The following ARHGAP39 variants were observed in gnomAD, a reference collection of about 807,000 sequenced individuals.
ARHGAP39 encodes the protein Rho GTPase activating protein 39, also known as rho GTPase-activating protein 39.
Under a neutral mutation model 106.9 loss-of-function variants are expected in ARHGAP39, and 44 were observed. That is an observed-to-expected ratio of 0.41 (90% CI 0.32 to 0.53). The LOEUF (loss-of-function observed/expected upper bound fraction) is 0.53. Ranked by LOEUF, ARHGAP39 falls within the 20% of genes least tolerant of loss-of-function variation. The pLI is 0.21. For missense variants in ARHGAP39, 1,496 were observed against 1,577.3 expected (o/e 0.95, Z 0.87); for synonymous variants, 768 against 693.2 (o/e 1.11, Z -1.69).
intron 2 of ARHGAP39, among the ~76,000 whole-genome samples, chr8:144,601,319 TGTG>T (rs1819922023): frequency 7.1e-6 from 1 of 140,340 alleles, no homozygotes; most frequent in African/African-American, 2.7e-5. Flanking sequence ...TGTGTGTGTG[TGTG>T]GAGGCGTGTG....
chr8:144,542,836 G>A (rs1447079940), intron 6 of ARHGAP39, among the ~76,000 whole-genome samples: 2 of 151,980 alleles, frequency 1.3e-5, no homozygotes, highest in Non-Finnish European at 2.9e-5. Context: ...CTACACGGGA[G>A]GCTGAGGCAG....
At chr8:144,588,384 A>G (rs111807715) in intron 2 of ARHGAP39, among the ~76,000 whole-genome samples, 16,585 of 152,220 alleles carry the variant, frequency 0.11, 2,238 homozygotes, top group African/African-American at 0.31. Flanking sequence ...ATGAGCCTGC[A>G]CCTCCTCGAA....
At chr8:144,598,862 G>T (rs1026601832) in intron 2 of ARHGAP39, among the ~76,000 whole-genome samples, 13 of 152,150 alleles carry the variant, frequency 8.5e-5, no homozygotes, top group African/African-American at 3.1e-4. Context: ...CACATTTAGT[G>T]GAACATTTAC....
At position 144,545,235 on chromosome 8, in the gene ARHGAP39, G is replaced by A. The variant is rs144833316; in HGVS notation, c.2521+14C>T. ...CTTACCTGAGCTGGTGGCAAAGCCC[G>A]TGCATGGCCTTACCTTTAGTGTCAT... On this transcript the variant is annotated intron_variant, in intron 6 of 11. Coordinates refer to ENST00000377307, the MANE Select transcript of ARHGAP39 (RefSeq NM_025251.3). The A allele has an allele frequency of 2.5e-5, 38 of 1,505,394 alleles. No homozygotes were observed. In the African/African-American group the frequency reaches 2.6e-4, roughly 10 times the overall value. 93.3% of individuals were successfully genotyped at this position (1,505,394 alleles called of 1,614,324 possible). A position where few individuals can be genotyped will look rare whatever the true frequency, so the allele number is the denominator to read the frequency against.
intron 1 of ARHGAP39, among the ~76,000 whole-genome samples, chr8:144,676,347 C>T (rs1399907270): frequency 1.3e-5 from 2 of 152,154 alleles, no homozygotes; most frequent in Non-Finnish European, 2.9e-5. Flanking sequence ...CAAAAGTTCT[C>T]CAAGTCCCCA....
At chr8:144,615,136 A>G (rs1488873148) in intron 1 of ARHGAP39, among the ~76,000 whole-genome samples, 1 of 152,200 alleles carries the variant, frequency 6.6e-6, no homozygotes, top group Non-Finnish European at 1.5e-5. Context: ...GCTGGGCAAG[A>G]TGGCAAAACC....
intron 1 of ARHGAP39, among the ~76,000 whole-genome samples, chr8:144,643,946 C>T (rs572288524): frequency 2.0e-5 from 3 of 152,136 alleles, no homozygotes; most frequent in Non-Finnish European, 4.4e-5. Flanking sequence ...ATAAGTCACA[C>T]AAAAGTGTTG....
Position 144,530,600 on chromosome 8 carries a change from G to T in ARHGAP39, c.3167C>A (p.Ala1056Asp). 4.4e-6 allele frequency: 7 copies of T among 1,608,600 alleles called. No individual in the cohort carries two copies. Among genetic ancestry groups the T allele is most frequent in the Non-Finnish European group, 5.9e-6 (7 of 1,177,974 alleles). ...IRFLQVFVQP[A>D]NVAVTKMDVS... ...ATCCATCTTGGTGACCGCGACGTTG[G>T]CCGGCTGCACGAAGACCTGGTGGAG... Residue 1056 changes from alanine (A) to aspartate (D), a missense_variant, in exon 12 of 12, where the codon GCC becomes GAC. This residue lies in a region of ARHGAP39 where 470 missense variants were observed against 605.1 expected (regional missense o/e 0.78). Transcript: ENST00000377307.
chr8:144,690,761 C>T (rs961340235), upstream of ARHGAP39, among the ~76,000 whole-genome samples: 2 of 151,616 alleles, frequency 1.3e-5, no homozygotes, highest in African/African-American at 4.8e-5. Context: ...CCTCCTGCCT[C>T]AGCCTCCCAA....
At chr8:144,632,419 T>C (rs1821084514) in intron 1 of ARHGAP39, among the ~76,000 whole-genome samples, 1 of 152,172 alleles carries the variant, frequency 6.6e-6, no homozygotes, top group South Asian at 2.1e-4. Flanking sequence ...TCAAAGCATG[T>C]CGACAAACCC....
intron 1 of ARHGAP39, among the ~76,000 whole-genome samples, chr8:144,659,619 T>C (rs1196094220): frequency 6.6e-6 from 1 of 152,232 alleles, no homozygotes; most frequent in Non-Finnish European, 1.5e-5. Context: ...GACTATTTCA[T>C]GGGACCTAAA....
chr8:144,647,736 G>T lies in ARHGAP39; in HGVS notation c.-82+37950C>A, dbSNP rs144758803. On this transcript the variant is annotated intron_variant, in intron 1 of 11. Coordinates refer to ENST00000377307, the MANE Select transcript of ARHGAP39 (RefSeq NM_025251.3). The surrounding 1 kb of genome is among the most constrained non-coding windows in gnomAD (Gnocchi z 4.8). The stretch of plus-strand genomic sequence containing the variant: ...ATGCAGAATGCAGAGAAAGCAAGAC[G>T]CCGTGCCAGGGGAGGGCAGCTGGAA... Among the ~76,000 whole-genome samples the T allele has an allele frequency of 6.6e-6, 1 of 152,266 alleles. No homozygotes were observed. Among genetic ancestry groups the T allele is most frequent in the Admixed American group, 6.5e-5 (1 of 15,290 alleles).
At chr8:144,678,920 G>C (rs1822312890) in intron 1 of ARHGAP39, among the ~76,000 whole-genome samples, 1 of 152,166 alleles carries the variant, frequency 6.6e-6, no homozygotes, top group Non-Finnish European at 1.5e-5. Flanking sequence ...CGTAGTGCAG[G>C]AGGGACATGG....
intron 2 of ARHGAP39, among the ~76,000 whole-genome samples, chr8:144,597,433 G>T (rs965373815): frequency 6.6e-6 from 1 of 152,226 alleles, no homozygotes; most frequent in Non-Finnish European, 1.5e-5. Flanking sequence ...CTGCAGCTGG[G>T]GAGGAACACA....
intron 3 of ARHGAP39, among the ~76,000 whole-genome samples, chr8:144,559,526 A>G (rs979603499): frequency 1.3e-5 from 2 of 152,214 alleles, no homozygotes; most frequent in African/African-American, 4.8e-5. Flanking sequence ...CTGGAGACCA[A>G]TCGTGTGTCT....
At chr8:144,593,258 G>A (rs1456223290) in intron 2 of ARHGAP39, among the ~76,000 whole-genome samples, 1 of 152,160 alleles carries the variant, frequency 6.6e-6, no homozygotes, top group Non-Finnish European at 1.5e-5. Context: ...AATTTGCCAG[G>A]TGCTAGGGAC....
At chr8:144,574,762 G>C (rs894643620) in intron 3 of ARHGAP39, among the ~76,000 whole-genome samples, 2 of 152,228 alleles carry the variant, frequency 1.3e-5, no homozygotes, top group African/African-American at 4.8e-5. Context: ...AAGAGGCTGA[G>C]GTAGGATTGC....
chr8:144,530,392 G>A lies in ARHGAP39; in HGVS notation c.*30C>T, dbSNP rs1232264175. On this transcript the variant is annotated 3_prime_UTR_variant, in exon 12 of 12. Transcript: ENST00000377307. The stretch of plus-strand genomic sequence containing the variant: ...GAGTTCGGCCTGGCTGGGGGCGGCA[G>A]GACATCCCTCCTGTCCCCGGGCGCC... The A allele has an allele frequency of 7.7e-6, 12 of 1,564,564 alleles. No individual in the cohort carries two copies. Among genetic ancestry groups the A allele is most frequent in the Non-Finnish European group, 1.0e-5 (12 of 1,151,268 alleles).
At chr8:144,533,404 C>A in intron 8 of ARHGAP39, 79 bp from the exon 9 acceptor site, 1 of 1,426,504 alleles carries the variant, frequency 7.0e-7, no homozygotes, top group East Asian at 2.4e-5. Context: ...CTTCTTTCCC[C>A]GAACATAGGT....
Sources: allele counts gnomAD v4.1 joint callset (sites outside exome capture counted in the v4.1 genomes callset), GRCh38; gene constraint gnomAD v4.1.1; regional missense constraint gnomAD v4.1.1; non-coding constraint Gnocchi (gnomAD v3.1); transcripts MANE v1.5; gene names NCBI Gene and HGNC (gene_info 2026-07-23, HGNC 2026-07-21).